Variants in LTBP3 observed in about 807,000 individuals in gnomAD.
The protein encoded by LTBP3 is latent transforming growth factor beta binding protein 3, also known as latent-transforming growth factor beta-binding protein 3.
LTBP3 carries 97 observed loss-of-function variants against 159.7 expected under a neutral mutation model. That is an observed-to-expected ratio of 0.61 (90% CI 0.52 to 0.72). The LOEUF is 0.72. LTBP3 is among the 30% of genes least tolerant of loss of function. LTBP3 has a pLI of 0.00. For synonymous variants in LTBP3, 824 were observed against 777.1 expected, an observed-to-expected ratio of 1.06 and a Z score of -1.00; for missense variants, 1,584 against 1,864.3, an observed-to-expected ratio of 0.85 and a Z score of 2.77.
At chr11:65,542,873 G>T in intron 18 of LTBP3, 1 of 571,460 alleles carries the variant, frequency 1.7e-6, no homozygotes, top group Non-Finnish European at 3.2e-6. Flanking sequence ...AGACTGGAAG[G>T]CTGAGCAGAT....
At position 65,551,121 on chromosome 11, in the gene LTBP3, C is replaced by G. The variant is rs1441788592; in HGVS notation, c.1720+5G>C. On this transcript the variant is annotated splice_donor_5th_base_variant and intron_variant, in intron 11 of 27. Coordinates refer to ENST00000301873, the MANE Select transcript of LTBP3 (RefSeq NM_001130144.3). ...GCAGGGGTGGCTTTGCTGGGCGGGCCTTACCTGTGACCTGAGTGGGAGCGA... is the reference window on the plus strand; with the variant it reads ...GCAGGGGTGGCTTTGCTGGGCGGGCGTTACCTGTGACCTGAGTGGGAGCGA... 6.4e-7 allele frequency: 1 copy of G among 1,552,000 alleles called. No individual in the cohort carries two copies. Among genetic ancestry groups the G allele is most frequent in the East Asian group, 2.4e-5 (1 of 41,006 alleles).
Position 65,552,526 on chromosome 11 carries a change from C to G in LTBP3, c.1187-120G>C. ...CAACCCTTGATCCCCCATGTGGTCT[C>G]TGACCCCATATGACCCTGAACTCAT... On this transcript the variant is annotated intron_variant, in intron 6 of 27. Coordinates refer to ENST00000301873, the MANE Select transcript of LTBP3 (RefSeq NM_001130144.3). This position sits in a 1 kb window ranked among gnomAD's most constrained non-coding sequence, Gnocchi z 6.0. 7.9e-7 allele frequency: 1 copy of G among 1,271,462 alleles called. No homozygotes were observed. The highest frequency in any genetic ancestry group is 1.1e-6 in the Non-Finnish European group (1 of 907,644). 78.8% of individuals were successfully genotyped at this position (1,271,462 alleles called of 1,614,324 possible). A position where few individuals can be genotyped will look rare whatever the true frequency, so the allele number is the denominator to read the frequency against.
At position 65,547,788 on chromosome 11, in the gene LTBP3, G is replaced by A. The variant is rs1016961556; in HGVS notation, c.1880C>T (p.Pro627Leu). The A allele has an allele frequency of 1.2e-6, 2 of 1,612,838 alleles. No homozygotes were observed. Among genetic ancestry groups the A allele is most frequent in the Non-Finnish European group, 1.7e-6 (2 of 1,179,790 alleles). The change falls in exon 13 of 28, where the codon CCG becomes CTG. Residue 627 changes from proline (P) to leucine (L), a missense_variant. By Grantham distance (98) the Pro-to-Leu change is moderately conservative (BLOSUM62 -3). Coordinates refer to ENST00000301873, the MANE Select transcript of LTBP3 (RefSeq NM_001130144.3). The surrounding 1 kb of genome is among the most constrained non-coding windows in gnomAD (Gnocchi z 4.6). The stretch of plus-strand genomic sequence containing the variant: ...GGTGTTCATGCAGATGCCCCTCCCC[G>A]GGCCACAGGGCTCTGCCTCGCACTC... Reference protein sequence around the residue: ...VNECEAEPCGPGRGICMNTGG... With the variant: ...VNECEAEPCGLGRGICMNTGG...
chr11:65,539,221 CTCG>C lies in LTBP3; in HGVS notation c.3768_3770del (p.Asp1256del). The C allele has an allele frequency of 2.6e-6, 4 of 1,526,886 alleles. No homozygotes were observed. The highest frequency in any genetic ancestry group is 1.8e-6 in the Non-Finnish European group (2 of 1,133,188). 94.6% of individuals were successfully genotyped at this position (1,526,886 alleles called of 1,614,324 possible). The stretch of plus-strand genomic sequence containing the variant: ...GCCCGCGCTGGTTCAGCTCTCGGCA[CTCG>C]TCGATATCTGAAGGTGAGGGCGACA... On this transcript the variant is annotated inframe_deletion, in exon 28 of 28. Transcript: ENST00000301873.
Position 65,554,133 on chromosome 11 carries a change from G to C in LTBP3, c.579C>G (p.Asp193Glu). 1 of 1,611,660 alleles carries C rather than the reference G, an allele frequency of 6.2e-7. No individual in the cohort carries two copies. The highest frequency in any genetic ancestry group is 8.5e-7 in the Non-Finnish European group (1 of 1,179,616). ...HAIYAVQVIA[D>E]PPGPGEGPPA... is the part of the protein sequence containing the mutation. ...GAGGCCCCTCCCCGGGCCCAGGAGG[G>C]TCAGCGATCACCTGGACGGCGTAGA... Residue 193 changes from aspartate (D) to glutamate (E), a missense_variant, in exon 2 of 28, where the codon GAC becomes GAG. Coordinates refer to ENST00000301873, the MANE Select transcript of LTBP3 (RefSeq NM_001130144.3). The surrounding 1 kb of genome is among the most constrained non-coding windows in gnomAD (Gnocchi z 5.3).
At chr11:65,541,477 A>C in intron 19 of LTBP3, 123 bp downstream of exon 19, 1 of 1,533,708 alleles carries the variant, frequency 6.5e-7, no homozygotes, top group Non-Finnish European at 8.9e-7. Flanking sequence ...AGACTCCCCC[A>C]GCCAAAAGAG....
intron 21 of LTBP3, 118 bp from the exon 22 acceptor site, chr11:65,540,732 T>A (rs1050895318): frequency 1.8e-5 from 28 of 1,514,892 alleles, no homozygotes; most frequent in Non-Finnish European, 2.5e-5. Context: ...GGGCGGGGCC[T>A]ACAGGGCGGG....
chr11:65,543,872 T>C, intron 16 of LTBP3: 1 of 401,524 alleles, frequency 2.5e-6, no homozygotes. Context: ...AAACTCCCTA[T>C]CCTTGTTCTT....
Position 65,550,368 on chromosome 11 carries a change from C to A in LTBP3, c.1720+758G>T, listed in dbSNP as rs1048677594. ...TGGAGCTTGCAGTGAGCCGAGATCG[C>A]GCCACTGCACTCCAGCCTGGGCGAC... On this transcript the variant is annotated intron_variant, in intron 11 of 27. Transcript: ENST00000301873. 2.0e-5 allele frequency among the ~76,000 whole-genome samples: 3 copies of A among 151,566 alleles called. No homozygotes were observed. In the South Asian group the frequency reaches 6.3e-4, roughly 32 times the overall value.
Position 65,558,241 on chromosome 11 carries a change from GGAGGAGC to G in LTBP3, c.-289_-283del. ...AGGCCGGAGCAAGTTGAGGCGGAGAGGAGGAGCGAGGGAGAGGAAGGCCGGGCGGCCG... is the reference window on the plus strand; with the variant it reads ...AGGCCGGAGCAAGTTGAGGCGGAGAGGAGGGAGAGGAAGGCCGGGCGGCCG... On this transcript the variant is annotated 5_prime_UTR_variant, in exon 1 of 28. Coordinates refer to ENST00000301873, the MANE Select transcript of LTBP3 (RefSeq NM_001130144.3). 9.6e-7 allele frequency: 1 copy of G among 1,041,968 alleles called. No homozygotes were observed. Among genetic ancestry groups the G allele is most frequent in the Non-Finnish European group, 1.2e-6 (1 of 863,310 alleles). 64.5% of individuals were successfully genotyped at this position (1,041,968 alleles called of 1,614,324 possible). A position where few individuals can be genotyped will look rare whatever the true frequency, so the allele number is the denominator to read the frequency against.
At chr11:65,541,417 G>A in intron 19 of LTBP3, 124 bp from the exon 20 acceptor site, 1 of 1,417,306 alleles carries the variant, frequency 7.1e-7, no homozygotes, top group Non-Finnish European at 9.8e-7. Flanking sequence ...CCTGAGAGTT[G>A]GCTCTGTTCT....
At position 65,555,924 on chromosome 11, in the gene LTBP3, C is replaced by A. The variant is rs1856794308; in HGVS notation, c.332-1544G>T. 2.6e-5 allele frequency among the ~76,000 whole-genome samples: 4 copies of A among 152,186 alleles called. No homozygotes were observed. In the South Asian group the frequency reaches 8.3e-4, roughly 31 times the overall value. ...CTAAGCACATCCCAGCCCAGCCCAT[C>A]CTGCCTGGCCTCTTGGGGCCAGGCC... On this transcript the variant is annotated intron_variant, in intron 1 of 27. Transcript: ENST00000301873.
chr11:65,545,539 CGTT>C (rs1856326223), intron 16 of LTBP3: 1 of 231,176 alleles, frequency 4.3e-6, no homozygotes, highest in Non-Finnish European at 8.6e-6. Flanking sequence ...GGGGAGGGGT[CGTT>C]ATCACCCTCG....
In LTBP3 at chr11:65,541,165, C is replaced by T. The variant is rs756826691; in HGVS notation, c.2854G>A (p.Asp952Asn). The T allele has an allele frequency of 1.1e-5, 17 of 1,612,870 alleles. No individual in the cohort carries two copies. The highest frequency in any genetic ancestry group is 1.4e-5 in the Non-Finnish European group (17 of 1,179,920). ...CCCSLGAGWG[D>N]HCEIYPCPVY... The stretch of plus-strand genomic sequence containing the variant: ...GGGCAGGGGTAGATTTCGCAGTGGT[C>T]GCCCCAGCCGGCCCCCAGAGAGCAG... Residue 952 changes from aspartate (D) to asparagine (N), a missense_variant, in exon 20 of 28, where the codon GAC (aspartate) becomes AAC (asparagine). Transcript: ENST00000301873.
chr11:65,541,407 C>A, intron 19 of LTBP3, 114 bp from the exon 20 acceptor site: 3 of 1,450,852 alleles, frequency 2.1e-6, no homozygotes, highest in Non-Finnish European at 2.9e-6. Flanking sequence ...TTAGCCTCCT[C>A]CTGAGAGTTG....
intron 1 of LTBP3, 116 bp downstream of exon 1, chr11:65,557,513 G>C: frequency 6.9e-7 from 1 of 1,443,400 alleles, no homozygotes; most frequent in Non-Finnish European, 9.5e-7. Flanking sequence ...CAGGCCCTCG[G>C]ATCTCTGCCC....
Position 65,553,135 on chromosome 11 carries a change from A to G in LTBP3, c.1063+29T>C, listed in dbSNP as rs115650983. The G allele has an allele frequency of 5.3e-4, 854 of 1,611,692 alleles. 4 individuals are homozygous for G. In the African/African-American group the frequency reaches 0.01, roughly 20 times the overall value. On this transcript the variant is annotated intron_variant, in intron 5 of 27. Transcript: ENST00000301873. This position sits in a 1 kb window ranked among gnomAD's most constrained non-coding sequence, Gnocchi z 6.5. Reference sequence around the variant, plus strand: ...CCAGTGATGGCTGGCCTGCCCCTCCAGCCCACAGAATCTCCTAGCTGGCCA... The same window carrying G: ...CCAGTGATGGCTGGCCTGCCCCTCCGGCCCACAGAATCTCCTAGCTGGCCA...
intron 18 of LTBP3, 32 bp downstream of exon 18, chr11:65,543,073 T>A (rs1856223938): frequency 6.2e-7 from 1 of 1,612,912 alleles, no homozygotes; most frequent in South Asian, 1.1e-5. Flanking sequence ...CCCTGCCACA[T>A]CCCTCAGGAA....
rs1856118014 is a variant in LTBP3 at position 65,541,136 on chromosome 11, G to C, written c.2883C>G (p.Val961=). Reference sequence around the variant, plus strand: ...TGCCCGGCTCCTGACCTGAGCTGTAGACTGGGCAGGGGTAGATTTCGCAGT... The same window carrying C: ...TGCCCGGCTCCTGACCTGAGCTGTACACTGGGCAGGGGTAGATTTCGCAGT... ...GDHCEIYPCP[V]YSSAEFHSLC... is the part of the protein sequence containing the mutation. The change falls in exon 20 of 28, where the codon GTC becomes GTG. Residue 961 remains valine, a synonymous_variant. Coordinates refer to ENST00000301873, the MANE Select transcript of LTBP3 (RefSeq NM_001130144.3). 6.2e-7 allele frequency: 1 copy of C among 1,612,914 alleles called. No homozygotes were observed. The highest frequency in any genetic ancestry group is 1.1e-5 in the South Asian group (1 of 91,068).
Sources: gnomAD v4.1 joint callset for allele counts (sites outside exome capture counted in the v4.1 genomes callset) on GRCh38, gnomAD v4.1.1 for gene constraint, Gnocchi (gnomAD v3.1) non-coding constraint, MANE v1.5 for transcripts, NCBI Gene and HGNC (gene_info 2026-07-23, HGNC 2026-07-21) for gene names.